MLLT3: variants seen among roughly 807,000 people sequenced by gnomAD.
MLLT3 encodes the protein protein AF-9.
A neutral mutation model predicts 53.2 loss-of-function variants in MLLT3; 4 were observed. The observed-to-expected ratio is 0.08, with a 90% CI of 0.04 to 0.17. MLLT3 has a LOEUF of 0.17. Among genes scored for constraint, MLLT3 ranks in the 10% least tolerant of loss-of-function variants. MLLT3 has a pLI of 1.00. For synonymous variants in MLLT3, 283 were observed against 230.6 expected (o/e 1.23, Z -2.06); for missense variants, 569 against 684.0 (o/e 0.83, Z 1.87).
intron 4 of MLLT3, among the ~76,000 whole-genome samples, chr9:20,438,839 A>T (rs915667224): frequency 2.0e-5 from 3 of 152,178 alleles, no homozygotes; most frequent in African/African-American, 7.2e-5. Flanking sequence ...TGATATTTGT[A>T]AGGCCAACTA....
chr9:20,364,391 G>T (rs754895271), intron 6 of MLLT3, among the ~76,000 whole-genome samples: 1 of 152,194 alleles, frequency 6.6e-6, no homozygotes, highest in East Asian at 1.9e-4. Context: ...AAATTCATCA[G>T]TGTGGCTTAT....
chr9:20,594,645 T>C (rs1003491243), intron 2 of MLLT3, among the ~76,000 whole-genome samples: 6 of 152,158 alleles, frequency 3.9e-5, no homozygotes, highest in African/African-American at 1.4e-4. Context: ...ATAAAGACCC[T>C]GCTTACAAAA....
chr9:20,565,648 T>C (rs957721344), intron 2 of MLLT3, among the ~76,000 whole-genome samples: 13 of 151,880 alleles, frequency 8.6e-5, no homozygotes, highest in African/African-American at 2.9e-4. Flanking sequence ...AACCACGAAT[T>C]ACGGTACCTT....
chr9:20,442,411 G>A (rs1233707344), intron 4 of MLLT3, among the ~76,000 whole-genome samples: 1 of 152,128 alleles, frequency 6.6e-6, no homozygotes, highest in Admixed American at 6.6e-5. Context: ...CTATGTATGA[G>A]TTTATTTACT....
chr9:20,451,164 T>C (rs1563970667), intron 3 of MLLT3, among the ~76,000 whole-genome samples: 1 of 152,140 alleles, frequency 6.6e-6, no homozygotes, highest in Non-Finnish European at 1.5e-5. Flanking sequence ...CAGAAAAATA[T>C]TAAATCATGC....
intron 4 of MLLT3, among the ~76,000 whole-genome samples, chr9:20,442,927 C>G (rs565207777): frequency 6.6e-6 from 1 of 152,290 alleles, no homozygotes; most frequent in African/African-American, 2.4e-5. Context: ...AAATGTCCTA[C>G]TGAAACAGGT....
intron 2 of MLLT3, among the ~76,000 whole-genome samples, chr9:20,601,982 G>C (rs920658016): frequency 2.0e-5 from 3 of 151,864 alleles, no homozygotes; most frequent in African/African-American, 7.3e-5. Context: ...ACTTTTCTTG[G>C]GGCACTGCTG....
chr9:20,492,764 T>C (rs1218862026), intron 2 of MLLT3, among the ~76,000 whole-genome samples: 1 of 151,958 alleles, frequency 6.6e-6, no homozygotes, highest in African/African-American at 2.4e-5. Context: ...AACTTAAATA[T>C]CCATTAATAT....
At position 20,620,901 on chromosome 9, in the gene MLLT3, C is replaced by A. The variant is rs766069947; in HGVS notation, c.13-67G>T. 2 of 1,550,954 alleles carry A rather than the reference C, an allele frequency of 1.3e-6. No individual in the cohort carries two copies. The highest frequency in any genetic ancestry group is 1.7e-5 in the Admixed American group (1 of 59,812). ...GGCGAGGTTTCGGCAGTGAACGTTG[C>A]GCCTGACATTTTTTTCCTCCTTCTT... is the stretch of plus-strand genomic sequence containing the variant. On this transcript the variant is annotated intron_variant, in intron 1 of 10. Transcript: ENST00000380338. The surrounding 1 kb of genome is among the most constrained non-coding windows in gnomAD (Gnocchi z 6.1).
chr9:20,618,137 T>A (rs1820883677), intron 2 of MLLT3, among the ~76,000 whole-genome samples: 1 of 152,222 alleles, frequency 6.6e-6, no homozygotes, highest in East Asian at 1.9e-4. Flanking sequence ...AATATGAGCA[T>A]TTCTTTTAAA....
In MLLT3 at chr9:20,620,772, C is replaced by T. The variant is rs1351388333; in HGVS notation, c.75G>A (p.Val25=). Residue 25 remains valine, a synonymous_variant, in exon 2 of 11, where the codon GTG becomes GTA. Coordinates refer to ENST00000380338, the MANE Select transcript of MLLT3 (RefSeq NM_004529.4). This position sits in a 1 kb window ranked among gnomAD's most constrained non-coding sequence, Gnocchi z 6.1. The part of the protein sequence containing the change: ...HRAQVRKKPT[V]EGFTHDWMVF... The stretch of plus-strand genomic sequence containing the variant: ...CCATCCAGTCGTGGGTGAAGCCCTC[C>T]ACGGTGGGTTTTTTCCTCACCTGGG... The T allele has an allele frequency of 6.2e-7, 1 of 1,614,166 alleles. No homozygotes were observed. Among genetic ancestry groups the T allele is most frequent in the Non-Finnish European group, 8.5e-7 (1 of 1,180,024 alleles).
At chr9:20,560,278 C>A (rs556721088) in intron 2 of MLLT3, among the ~76,000 whole-genome samples, 173 of 152,142 alleles carry the variant, frequency 1.1e-3, no homozygotes, top group African/African-American at 3.9e-3. Flanking sequence ...TACATGCAAA[C>A]AGAAGGTATG....
At chr9:20,587,851 T>C (rs1226021019) in intron 2 of MLLT3, among the ~76,000 whole-genome samples, 2 of 152,178 alleles carry the variant, frequency 1.3e-5, no homozygotes, top group African/African-American at 2.4e-5. Context: ...TTTACTTAGA[T>C]CCCATTTGTC....
At chr9:20,498,089 G>A (rs1825122852) in intron 2 of MLLT3, among the ~76,000 whole-genome samples, 1 of 151,434 alleles carries the variant, frequency 6.6e-6, no homozygotes, top group African/African-American at 2.4e-5. Flanking sequence ...TGGGCGTGGT[G>A]GCATGCACCT....
At chr9:20,369,203 G>C (rs925337631) in intron 5 of MLLT3, among the ~76,000 whole-genome samples, 12 of 152,252 alleles carry the variant, frequency 7.9e-5, no homozygotes, top group Non-Finnish European at 1.5e-4. Flanking sequence ...AAACTCAACA[G>C]AATTAGCTGG....
chr9:20,379,765 A>T (rs922566301), intron 5 of MLLT3, among the ~76,000 whole-genome samples: 1 of 152,040 alleles, frequency 6.6e-6, no homozygotes, highest in African/African-American at 2.4e-5. Flanking sequence ...CATTCTTAAC[A>T]AGTAAGTAGA....
In MLLT3 at chr9:20,470,744, A is replaced by AG. The variant is rs1824369848; in HGVS notation, c.194-13959dup. On this transcript the variant is annotated intron_variant, in intron 2 of 10. Coordinates refer to ENST00000380338, the MANE Select transcript of MLLT3 (RefSeq NM_004529.4). The stretch of plus-strand genomic sequence containing the variant: ...ACCAAAGGTACAAAGGAGGGTAGGG[A>AG]GGGAGTAATAAACTGAACAATAGTA... Among the ~76,000 whole-genome samples, 3 of 151,946 alleles carry AG rather than the reference A, an allele frequency of 2.0e-5. No homozygotes were observed. In the South Asian group the frequency reaches 6.2e-4, roughly 31 times the overall value.
intron 2 of MLLT3, among the ~76,000 whole-genome samples, chr9:20,617,527 A>G (rs1297251861): frequency 1.3e-5 from 2 of 152,168 alleles, no homozygotes; most frequent in Non-Finnish European, 2.9e-5. Context: ...AAAAAAGTTC[A>G]CTCAAATTCA....
intron 4 of MLLT3, among the ~76,000 whole-genome samples, chr9:20,432,731 A>C (rs1448764957): frequency 6.6e-6 from 1 of 152,166 alleles, no homozygotes; most frequent in African/African-American, 2.4e-5. Flanking sequence ...TGTTCATTGA[A>C]TACATATCGG....
Sources: gnomAD v4.1 joint callset for allele counts (sites outside exome capture counted in the v4.1 genomes callset) on GRCh38, gnomAD v4.1.1 for gene constraint, Gnocchi (gnomAD v3.1) non-coding constraint, MANE v1.5 for transcripts, NCBI Gene and HGNC (gene_info 2026-07-23, HGNC 2026-07-21) for gene names.